WIPI1: variants seen among roughly 807,000 people sequenced by gnomAD.
WIPI1 encodes the protein WD repeat domain phosphoinositide-interacting protein 1.
A neutral mutation model predicts 55.3 loss-of-function variants in WIPI1; 45 were observed. The observed-to-expected ratio is 0.81, with a 90% CI of 0.64 to 1.04. The LOEUF is 1.04. WIPI1 is among the 50% of genes least tolerant of loss of function. WIPI1 has a pLI of 0.00. For missense variants in WIPI1, 445 were observed against 559.0 expected (o/e 0.80, Z 2.06); for synonymous variants, 195 against 217.6 (o/e 0.90, Z 0.92).
Position 68,421,580 on chromosome 17 carries a change from G to A in WIPI1, c.*193C>T, listed in dbSNP as rs765765190. 4.1e-5 allele frequency: 27 copies of A among 664,130 alleles called. No homozygotes were observed. The highest frequency in any genetic ancestry group is 4.6e-5 in the Non-Finnish European group (17 of 372,818). The allele number at this position is 664,130 out of a possible 1,614,324, so 41.1% of individuals were successfully genotyped here. On this transcript the variant is annotated 3_prime_UTR_variant, in exon 13 of 13. Transcript: ENST00000262139. ...GCATGATGTGTATACAATGTCTCCCGCGCCCATTGGCAACCAGGGTCGTGG... is the reference window on the plus strand; with the variant it reads ...GCATGATGTGTATACAATGTCTCCCACGCCCATTGGCAACCAGGGTCGTGG...
At chr17:68,429,950 T>A in intron 9 of WIPI1, 46 bp downstream of exon 9, 1 of 1,609,382 alleles carries the variant, frequency 6.2e-7, no homozygotes, top group Non-Finnish European at 8.5e-7. Flanking sequence ...GAAAAATACA[T>A]TGACGAAAGT....
chr17:68,456,397 G>C (rs2084645983), intron 1 of WIPI1, among the ~76,000 whole-genome samples: 1 of 152,216 alleles, frequency 6.6e-6, no homozygotes, highest in African/African-American at 2.4e-5. Context: ...GGTACAGCAG[G>C]AAGTGGGAAA....
intron 3 of WIPI1, among the ~76,000 whole-genome samples, chr17:68,447,694 A>T (rs1302337921): frequency 6.6e-6 from 1 of 152,242 alleles, no homozygotes; most frequent in East Asian, 1.9e-4. Flanking sequence ...CTATATACTT[A>T]GAAAAAAGGG....
intron 1 of WIPI1, among the ~76,000 whole-genome samples, chr17:68,457,069 A>G (rs1164096899): frequency 6.6e-6 from 1 of 151,838 alleles, no homozygotes; most frequent in African/African-American, 2.4e-5. Flanking sequence ...TGGCCCCCGC[A>G]GCCCCACCAC....
chr17:68,437,079 C>G (rs1480747796), intron 4 of WIPI1, among the ~76,000 whole-genome samples: 3 of 150,252 alleles, frequency 2.0e-5, no homozygotes, highest in Non-Finnish European at 2.9e-5. Context: ...GACTCTGAAA[C>G]AGCATCTACT....
chr17:68,425,612 A>C (rs981885071), intron 12 of WIPI1, among the ~76,000 whole-genome samples: 4 of 152,138 alleles, frequency 2.6e-5, no homozygotes, highest in African/African-American at 9.7e-5. Context: ...TGGTTCACAG[A>C]GTGCAGCAAC....
At chr17:68,457,156 G>A (rs1205693125) in intron 1 of WIPI1, among the ~76,000 whole-genome samples, 186 bp downstream of exon 1, 1 of 152,094 alleles carries the variant, frequency 6.6e-6, no homozygotes, top group African/African-American at 2.4e-5. Flanking sequence ...GGGGTGGGGT[G>A]GGGGGTGCGG....
chr17:68,426,201 A>C, intron 11 of WIPI1, 26 bp from the exon 12 acceptor site: 1 of 1,484,286 alleles, frequency 6.7e-7, no homozygotes, highest in Non-Finnish European at 9.2e-7. Context: ...GAGACATGAA[A>C]CAAGCACTGG....
At chr17:68,433,784 T>G (rs1345559270) in intron 7 of WIPI1, among the ~76,000 whole-genome samples, 3 of 86,936 alleles carry the variant, frequency 3.5e-5, no homozygotes, top group East Asian at 4.9e-4. Context: ...TTTTTTTTTT[T>G]TTTTTTTTTT....
chr17:68,426,243 G>GC (rs762554342), intron 11 of WIPI1, 68 bp from the exon 12 acceptor site: 56 of 935,276 alleles, frequency 6.0e-5, no homozygotes, highest in Non-Finnish European at 8.0e-5. Context: ...CCTGGCGGGT[G>GC]GGGAGCGGGG....
At chr17:68,427,004 GA>G in intron 11 of WIPI1, 130 bp downstream of exon 11, 1 of 729,104 alleles carries the variant, frequency 1.4e-6, no homozygotes, top group Non-Finnish European at 2.3e-6. Flanking sequence ...AGGTAACAGT[GA>G]AGGGGGAAGG....
In WIPI1 at chr17:68,425,880, G is replaced by C. The variant is rs542296031; in HGVS notation, c.1293+195C>G. 9.0e-6 allele frequency: 5 copies of C among 553,006 alleles called. No homozygotes were observed. In the East Asian group the frequency reaches 1.2e-4, roughly 13 times the overall value. The allele number at this position is 553,006 out of a possible 1,614,324, so 34.3% of individuals were successfully genotyped here. A position where few individuals can be genotyped will look rare whatever the true frequency, so the allele number is the denominator to read the frequency against. Reference sequence around the variant, plus strand: ...CTCTAATGCCATCAGGGTTTAGCTCGACACCTAAAGCCTACTCTGTAGGAT... The same window carrying C: ...CTCTAATGCCATCAGGGTTTAGCTCCACACCTAAAGCCTACTCTGTAGGAT... On this transcript the variant is annotated intron_variant, in intron 12 of 12. Coordinates refer to ENST00000262139, the MANE Select transcript of WIPI1 (RefSeq NM_017983.7).
At chr17:68,426,243 G>GGT (rs754582715) in intron 11 of WIPI1, 68 bp from the exon 12 acceptor site, 11 of 935,264 alleles carry the variant, frequency 1.2e-5, no homozygotes, top group Admixed American at 8.0e-5. Flanking sequence ...CCTGGCGGGT[G>GGT]GGGAGCGGGG....
chr17:68,457,364 A>C lies in WIPI1; in HGVS notation c.58T>G (p.Phe20Val). Residue 20 changes from phenylalanine to valine, a missense_variant, in exon 1 of 13, where the codon TTC (phenylalanine) becomes GTC (valine). Phe to Val is a conservative substitution (Grantham distance 50). Coordinates refer to ENST00000262139, the MANE Select transcript of WIPI1 (RefSeq NM_017983.7). ...TACGTGCAGTCCTGGTTGAAAGAGA[A>C]GCAGCTGAGCGCCGACTCAACCCCG... ...PGGVESALSC[F>V]SFNQDCTSLA... The C allele has an allele frequency of 6.5e-7, 1 of 1,543,876 alleles. No individual in the cohort carries two copies. The highest frequency in any genetic ancestry group is 8.7e-7 in the Non-Finnish European group (1 of 1,145,420).
chr17:68,432,400 CTCTT>C (rs1165058716), intron 8 of WIPI1, among the ~76,000 whole-genome samples: 3 of 152,212 alleles, frequency 2.0e-5, no homozygotes, highest in Non-Finnish European at 2.9e-5. Context: ...CTTGGCACCT[CTCTT>C]TCAGCCTTGT....
chr17:68,427,541 G>C (rs1444540965), intron 10 of WIPI1: 1 of 237,334 alleles, frequency 4.2e-6, no homozygotes, highest in Non-Finnish European at 8.4e-6. Flanking sequence ...ATTTTTAGTA[G>C]AGACTGGGTT....
chr17:68,428,710 G>T, intron 10 of WIPI1, 119 bp downstream of exon 10: 2 of 760,782 alleles, frequency 2.6e-6, no homozygotes, highest in Non-Finnish European at 2.2e-6. Flanking sequence ...GTTTGCCACT[G>T]AGACTGCCAG....
rs1474281461 is a variant in WIPI1 at position 68,457,388 on chromosome 17, C to G, written c.34G>C (p.Gly12Arg). The G allele has an allele frequency of 6.5e-7, 1 of 1,536,176 alleles. No homozygotes were observed. Among genetic ancestry groups the G allele is most frequent in the Admixed American group, 2.0e-5 (1 of 50,066 alleles). The stretch of plus-strand genomic sequence containing the variant: ...AAGCAGCTGAGCGCCGACTCAACCC[C>G]GCCCGGGGGAGCGTCCGCGGCCTCG... ...EAEAADAPPG[G>R]VESALSCFSF... Residue 12 changes from glycine to arginine, a missense_variant, in exon 1 of 13, where the codon GGG becomes CGG. Coordinates refer to ENST00000262139, the MANE Select transcript of WIPI1 (RefSeq NM_017983.7).
intron 11 of WIPI1, 79 bp from the exon 12 acceptor site, chr17:68,426,254 G>GGGGCCCC: frequency 1.2e-6 from 1 of 816,920 alleles, no homozygotes; most frequent in Non-Finnish European, 1.9e-6. Flanking sequence ...GGGAGCGGGG[G>GGGGCCCC]CTCAAATAAA....
Sources: gnomAD v4.1 joint callset for allele counts (sites outside exome capture counted in the v4.1 genomes callset) on GRCh38, gnomAD v4.1.1 for gene constraint, MANE v1.5 for transcripts, NCBI Gene and HGNC (gene_info 2026-07-23, HGNC 2026-07-21) for gene names.